The following WWC2 variants were observed in gnomAD, a reference collection of about 807,000 sequenced individuals.
The protein encoded by WWC2 is WW and C2 domain containing 2, also known as protein WWC2.
Under a neutral mutation model 138.5 loss-of-function variants are expected in WWC2, and 101 were observed. The observed-to-expected ratio is 0.73, with a 90% CI of 0.62 to 0.86. The LOEUF is 0.86. WWC2 is among the 40% of genes least tolerant of loss of function. WWC2 has a pLI of 0.00. For missense variants in WWC2, 1,420 were observed against 1,419.4 expected, an observed-to-expected ratio of 1.00 and a Z score of -0.01; for synonymous variants, 558 against 538.4, an observed-to-expected ratio of 1.04 and a Z score of -0.50.
chr4:183,283,571 A>C (rs1218492958), intron 18 of WWC2, among the ~76,000 whole-genome samples: 1 of 152,258 alleles, frequency 6.6e-6, no homozygotes, highest in Non-Finnish European at 1.5e-5. Context: ...ATCAAGAGGC[A>C]GGTTTGGAAT....
At chr4:183,130,438 CAGAGTAGTT>C in intron 1 of WWC2, among the ~76,000 whole-genome samples, 1 of 152,256 alleles carries the variant, frequency 6.6e-6, no homozygotes, top group African/African-American at 2.4e-5. Flanking sequence ...ATCTTCATGG[CAGAGTAGTT>C]AAAGGGATGC....
At chr4:183,307,018 G>T (rs1245192028) in intron 21 of WWC2, among the ~76,000 whole-genome samples, 2 of 151,844 alleles carry the variant, frequency 1.3e-5, no homozygotes, top group Non-Finnish European at 2.9e-5. Context: ...GGATATAATT[G>T]ACATCTATAG....
At chr4:183,142,171 C>G (rs1217654444) in intron 1 of WWC2, among the ~76,000 whole-genome samples, 1 of 152,142 alleles carries the variant, frequency 6.6e-6, no homozygotes, top group Non-Finnish European at 1.5e-5. Flanking sequence ...TACAGAGGCC[C>G]CATACCTGGG....
intron 2 of WWC2, among the ~76,000 whole-genome samples, chr4:183,207,630 G>T (rs533792369): frequency 3.8e-4 from 58 of 152,150 alleles, no homozygotes; most frequent in Non-Finnish European, 5.0e-4. Context: ...TCCAGCTTAT[G>T]CAGGGCATTG....
intron 1 of WWC2, among the ~76,000 whole-genome samples, chr4:183,139,069 T>C (rs1733211035): frequency 6.6e-6 from 1 of 152,192 alleles, no homozygotes; most frequent in South Asian, 2.1e-4. Context: ...AGTAACATAT[T>C]ACTGATTCTG....
intron 4 of WWC2, among the ~76,000 whole-genome samples, chr4:183,213,264 A>G (rs1426531868): frequency 6.6e-6 from 1 of 152,246 alleles, no homozygotes; most frequent in African/African-American, 2.4e-5. Context: ...CCAGCCATTC[A>G]GAAGTGGATG....
At chr4:183,132,321 A>G (rs922190038) in intron 1 of WWC2, among the ~76,000 whole-genome samples, 17 of 152,180 alleles carry the variant, frequency 1.1e-4, no homozygotes, top group Non-Finnish European at 2.2e-4. Context: ...TCCTACAGGG[A>G]GTACTTTCAA....
intron 10 of WWC2, 108 bp downstream of exon 10, chr4:183,259,836 A>G (rs1737269278): frequency 1.2e-6 from 1 of 804,664 alleles, no homozygotes; most frequent in Non-Finnish European, 2.0e-6. Context: ...TAAAATCATT[A>G]TAGTAGCACA....
chr4:183,133,055 T>TCCTTCCCTCTTCC (rs1732983847), intron 1 of WWC2, among the ~76,000 whole-genome samples: 1 of 146,894 alleles, frequency 6.8e-6, no homozygotes, highest in African/African-American at 2.6e-5. Context: ...TTCCCTTTTT[T>TCCTTCCCTCTTCC]CCTTTTCTTT....
intron 21 of WWC2, among the ~76,000 whole-genome samples, chr4:183,299,232 C>T (rs748590374): frequency 3.5e-4 from 53 of 151,986 alleles, no homozygotes; most frequent in Admixed American, 9.8e-4. Flanking sequence ...GAGTGGAGCC[C>T]TCATGCCTAC....
At chr4:183,203,145 T>C (rs1735348227) in intron 2 of WWC2, among the ~76,000 whole-genome samples, 1 of 151,956 alleles carries the variant, frequency 6.6e-6, no homozygotes, top group Non-Finnish European at 1.5e-5. Context: ...CGTATTCTTA[T>C]AACTTCCTCA....
intron 1 of WWC2, among the ~76,000 whole-genome samples, chr4:183,117,754 G>A (rs933085888): frequency 2.0e-5 from 3 of 151,098 alleles, no homozygotes; most frequent in African/African-American, 7.3e-5. Context: ...ACAGGCGTGA[G>A]CCACCATGCC....
At chr4:183,191,552 A>G (rs1185657440) in intron 1 of WWC2, among the ~76,000 whole-genome samples, 1 of 152,196 alleles carries the variant, frequency 6.6e-6, no homozygotes, top group South Asian at 2.1e-4. Context: ...CAGAATAAAG[A>G]TTTGAGCCCA....
chr4:183,156,207 G>A (rs1200316199), intron 1 of WWC2, among the ~76,000 whole-genome samples: 2 of 151,968 alleles, frequency 1.3e-5, no homozygotes, highest in Admixed American at 6.6e-5. Context: ...TGTATTTTTA[G>A]TAGAGATGGG....
Position 183,259,701 on chromosome 4 carries a change from C to T in WWC2, c.1259C>T (p.Thr420Ile), listed in dbSNP as rs1201651968. 2.6e-6 allele frequency: 4 copies of T among 1,547,436 alleles called. No individual in the cohort carries two copies. In the South Asian group the frequency reaches 4.9e-5, roughly 19 times the overall value. ...LQKLEETTKLTTYLHSQLKSL... is the reference protein window; with the variant it reads ...LQKLEETTKLITYLHSQLKSL... ...AAACTTGAAGAAACTACTAAATTAACTACTTATTTGCATTCACAACTTAAA... is the reference window on the plus strand; with the variant it reads ...AAACTTGAAGAAACTACTAAATTAATTACTTATTTGCATTCACAACTTAAA... The change falls in exon 10 of 23, where the codon ACT becomes ATT. Residue 420 changes from threonine (T) to isoleucine (I), a missense_variant. Transcript: ENST00000403733.
At chr4:183,305,071 A>G (rs1163346437) in intron 21 of WWC2, among the ~76,000 whole-genome samples, 6 of 152,258 alleles carry the variant, frequency 3.9e-5, no homozygotes, top group African/African-American at 1.2e-4. Flanking sequence ...AGCAAGAATC[A>G]AAAAGAAGTC....
At chr4:183,209,384 T>C (rs1735534641) in intron 4 of WWC2, among the ~76,000 whole-genome samples, 2 of 152,130 alleles carry the variant, frequency 1.3e-5, no homozygotes, top group South Asian at 4.1e-4. Context: ...CGTGCCACTA[T>C]GCACAACTAA....
chr4:183,210,955 CCTT>C (rs1266315489), intron 4 of WWC2, among the ~76,000 whole-genome samples: 11 of 152,180 alleles, frequency 7.2e-5, no homozygotes, highest in African/African-American at 2.7e-4. Flanking sequence ...CAGTTTCAGC[CCTT>C]CTTACTTGCT....
intron 22 of WWC2, among the ~76,000 whole-genome samples, chr4:183,312,776 A>G (rs1300318849): frequency 2.0e-5 from 3 of 152,142 alleles, no homozygotes; most frequent in East Asian, 3.8e-4. Context: ...CATCTTTGGG[A>G]TTTTGTTCGC....
Sources: allele counts gnomAD v4.1 joint callset (sites outside exome capture counted in the v4.1 genomes callset), GRCh38; gene constraint gnomAD v4.1.1; transcripts MANE v1.5; gene names NCBI Gene and HGNC (gene_info 2026-07-23, HGNC 2026-07-21).